Variants in HTR7 observed in about 807,000 individuals in gnomAD.
HTR7 encodes 5-hydroxytryptamine receptor 7, also known as 5-HT-7.
In HTR7, 16 loss-of-function variants were observed where a neutral mutation model predicts 34.0. The ratio of observed to expected loss-of-function variants is 0.47; its 90% CI spans 0.32 to 0.71. The LOEUF (loss-of-function observed/expected upper bound fraction) is 0.71, where lower values mean the gene tolerates loss of function less well. HTR7 is among the 30% of genes least tolerant of loss of function. HTR7 has a pLI of 0.04. For synonymous variants in HTR7, 265 were observed against 260.2 expected (o/e 1.02, Z -0.18); for missense variants, 504 against 625.5 (o/e 0.81, Z 2.07).
At chr10:90,782,065 G>C (rs567255946) in intron 1 of HTR7, among the ~76,000 whole-genome samples, 2,594 of 152,294 alleles carry the variant, frequency 0.017, 82 homozygotes, top group African/African-American at 0.058. Flanking sequence ...GGCCTGTCAT[G>C]CATGGGACAT....
At chr10:90,844,726 C>CAAAAAAAAAAAA (rs71025328) in intron 1 of HTR7, among the ~76,000 whole-genome samples, 1 of 39,474 alleles carries the variant, frequency 2.5e-5, no homozygotes, top group Non-Finnish European at 5.0e-5. Context: ...GACTCCGTCT[C>CAAAAAAAAAAAA]AAAAAAAAAA....
At chr10:90,755,294 T>C (rs1844818694) in intron 1 of HTR7, among the ~76,000 whole-genome samples, 2 of 152,224 alleles carry the variant, frequency 1.3e-5, no homozygotes, top group East Asian at 1.9e-4. Context: ...TGTGTGGTCT[T>C]TATATTTTAA....
chr10:90,750,543 C>T (rs908451725), intron 1 of HTR7, among the ~76,000 whole-genome samples: 1 of 152,026 alleles, frequency 6.6e-6, no homozygotes, highest in Non-Finnish European at 1.5e-5. Context: ...GCTAGGAGCA[C>T]TTGAGAAGCA....
At chr10:90,831,343 T>A (rs1460562977) in intron 1 of HTR7, among the ~76,000 whole-genome samples, 2 of 151,842 alleles carry the variant, frequency 1.3e-5, no homozygotes, top group African/African-American at 4.8e-5. Flanking sequence ...GACTCAGGAG[T>A]GAAGCTGCAG....
intron 1 of HTR7, among the ~76,000 whole-genome samples, chr10:90,849,214 T>G (rs1184486988): frequency 1.3e-5 from 2 of 152,358 alleles, no homozygotes; most frequent in East Asian, 3.9e-4. Flanking sequence ...AGGGTGTATG[T>G]ATTTTTAACA....
intron 1 of HTR7, among the ~76,000 whole-genome samples, chr10:90,838,414 C>A (rs10785973): frequency 0.24 from 36,043 of 152,086 alleles, 5,244 homozygotes; most frequent in South Asian, 0.33. Flanking sequence ...TACTCCAACC[C>A]AGTCCAAGCT....
chr10:90,818,769 A>G (rs1845935291), intron 1 of HTR7, among the ~76,000 whole-genome samples: 1 of 152,170 alleles, frequency 6.6e-6, no homozygotes, highest in Non-Finnish European at 1.5e-5. Flanking sequence ...GTTCCCACCC[A>G]AATCTCAGGT....
chr10:90,808,397 C>T (rs1164523746), intron 1 of HTR7, among the ~76,000 whole-genome samples: 1 of 151,826 alleles, frequency 6.6e-6, no homozygotes, highest in Non-Finnish European at 1.5e-5. Flanking sequence ...AAACTCCCAA[C>T]CCCTTCTCCT....
At chr10:90,841,882 C>T (rs190089867) in intron 1 of HTR7, among the ~76,000 whole-genome samples, 5 of 152,232 alleles carry the variant, frequency 3.3e-5, no homozygotes, top group South Asian at 2.1e-4. Flanking sequence ...CGACTGTAAT[C>T]GCAGCTACTT....
chr10:90,761,630 A>ATG (rs1308585033), intron 1 of HTR7, among the ~76,000 whole-genome samples: 1 of 105,150 alleles, frequency 9.5e-6, no homozygotes, highest in East Asian at 2.9e-4. Context: ...TTTTGTGTGT[A>ATG]TGCGTGTGTG....
chr10:90,808,561 G>A (rs117377859), intron 1 of HTR7, among the ~76,000 whole-genome samples: 19,583 of 150,802 alleles, frequency 0.13, 1,559 homozygotes, highest in East Asian at 0.2. Flanking sequence ...ATATCTCTGC[G>A]CCCTGATCCC....
intron 1 of HTR7, among the ~76,000 whole-genome samples, chr10:90,856,920 A>C (rs558107711): frequency 6.6e-6 from 1 of 152,218 alleles, no homozygotes; most frequent in African/African-American, 2.4e-5. Flanking sequence ...GTAAACCAGA[A>C]CATTTCCGGT....
chr10:90,747,367 A>G (rs1453600947), intron 2 of HTR7, among the ~76,000 whole-genome samples: 1 of 152,182 alleles, frequency 6.6e-6, no homozygotes, highest in Admixed American at 6.5e-5. Flanking sequence ...GCATAGTAAG[A>G]TCTCTGGGTT....
rs1040384085 is a variant in HTR7, at chr10:90,803,840, G to A, written c.539+53293C>T. 5.3e-5 allele frequency among the ~76,000 whole-genome samples: 8 copies of A among 152,154 alleles called. No homozygotes were observed. In the South Asian group the frequency reaches 1.7e-3, roughly 32 times the overall value. ...ACGAACAGGAGGCAGGAAAATACTG[G>A]GTAGGAGAGGGCAGAGTCCCTGGCA... On this transcript the variant is annotated intron_variant, in intron 1 of 3. Transcript: ENST00000336152.
intron 1 of HTR7, among the ~76,000 whole-genome samples, chr10:90,789,979 A>AT (rs1376102729): frequency 6.6e-6 from 1 of 152,076 alleles, no homozygotes; most frequent in Non-Finnish European, 1.5e-5. Flanking sequence ...ATTTCATTTC[A>AT]TTTTTTCAAG....
rs148368707 is a variant in HTR7 at position 90,850,300 on chromosome 10, A to T, written c.539+6833T>A. 6.7e-3 allele frequency among the ~76,000 whole-genome samples: 1,023 copies of T among 152,362 alleles called. 6 individuals are homozygous for T. The highest frequency in any genetic ancestry group is 0.023 in the African/African-American group (949 of 41,586). On this transcript the variant is annotated intron_variant, in intron 1 of 3. Transcript: ENST00000336152. ...AAGTCATTGGGCTAAAATCCTAAGA[A>T]GGCTACATCCTAGAAAGAGGCATCT...
rs771371711 is a variant in HTR7 at position 90,857,443 on chromosome 10, C to T, written c.229G>A (p.Gly77Ser). 4 of 1,614,006 alleles carry T rather than the reference C, an allele frequency of 2.5e-6. No homozygotes were observed. Among genetic ancestry groups the T allele is most frequent in the Non-Finnish European group, 3.4e-6 (4 of 1,180,018 alleles). ...ASGCGEQINY[G>S]RVEKVVIGSI... The stretch of plus-strand genomic sequence containing the variant: ...CCGATCACAACTTTCTCGACTCTGC[C>T]GTAGTTGATCTGTTCCCCACAGCCG... Residue 77 changes from glycine to serine, a missense_variant, in exon 1 of 4, where the codon GGC becomes AGC. Physicochemically the swap from Gly to Ser is moderately conservative, Grantham distance 56. Coordinates refer to ENST00000336152, the MANE Select transcript of HTR7 (RefSeq NM_019859.4). The surrounding 1 kb of genome is among the most constrained non-coding windows in gnomAD (Gnocchi z 6.5).
At chr10:90,848,219 T>C (rs944051504) in intron 1 of HTR7, among the ~76,000 whole-genome samples, 6 of 152,038 alleles carry the variant, frequency 3.9e-5, no homozygotes, top group African/African-American at 1.2e-4. Context: ...TGCGCCAGCA[T>C]ACCCAGCTAA....
chr10:90,832,258 A>G (rs564321173), intron 1 of HTR7, among the ~76,000 whole-genome samples: 1 of 152,346 alleles, frequency 6.6e-6, no homozygotes, highest in African/African-American at 2.4e-5. Context: ...CAGGCAGTGC[A>G]GGAGGCCACG....
Sources: gnomAD v4.1 joint callset for allele counts (sites outside exome capture counted in the v4.1 genomes callset) on GRCh38, gnomAD v4.1.1 for gene constraint, Gnocchi (gnomAD v3.1) non-coding constraint, MANE v1.5 for transcripts, NCBI Gene and HGNC (gene_info 2026-07-23, HGNC 2026-07-21) for gene names.